Variants in NIBAN1 observed in about 807,000 individuals in gnomAD.
NIBAN1 encodes the protein protein Niban 1.
NIBAN1 carries 81 observed loss-of-function variants against 75.1 expected under a neutral mutation model. That is an observed-to-expected ratio of 1.08 (90% CI 0.90 to 1.30). The LOEUF is 1.30. Ranked by LOEUF, NIBAN1 falls within the 50% of genes most tolerant of loss-of-function variation. The pLI, the probability that NIBAN1 is intolerant of heterozygous loss-of-function variation, is 0.00. For synonymous variants in NIBAN1, 436 were observed against 424.8 expected (o/e 1.03, Z -0.32); for missense variants, 1,133 against 1,128.1 (o/e 1.00, Z -0.06).
rs190676125 is a variant in NIBAN1 at position 184,932,769 on chromosome 1, T to G, written c.56-33460A>C. ...GTTATGAATAATGTATAACATAATA[T>G]TTAACAAAGACAAGATTTAGGCATA... On this transcript the variant is annotated intron_variant, in intron 1 of 13. Transcript: ENST00000367511. 2.3e-4 allele frequency among the ~76,000 whole-genome samples: 35 copies of G among 152,362 alleles called. No homozygotes were observed. The East Asian group carries it at 5.4e-3, about 23-fold the overall frequency.
intron 5 of NIBAN1, among the ~76,000 whole-genome samples, chr1:184,880,443 T>A (rs138225069): frequency 1.2e-4 from 18 of 152,322 alleles, no homozygotes; most frequent in African/African-American, 3.8e-4. Flanking sequence ...AGAGTCCAAG[T>A]TCCTAATATG....
chr1:184,891,783 G>A (rs922451682), intron 3 of NIBAN1, among the ~76,000 whole-genome samples: 4 of 151,994 alleles, frequency 2.6e-5, no homozygotes, highest in African/African-American at 7.3e-5. Flanking sequence ...TGACTTACAG[G>A]TACTTAATGC....
intron 3 of NIBAN1, 141 bp from the exon 4 acceptor site, chr1:184,890,363 C>T (rs1325049941): frequency 1.9e-5 from 12 of 627,694 alleles, no homozygotes; most frequent in Middle Eastern, 2.6e-4. Context: ...TAGTCATTTA[C>T]TCAAAAAATA....
chr1:184,889,435 T>G (rs1656610784), intron 4 of NIBAN1, among the ~76,000 whole-genome samples: 1 of 152,214 alleles, frequency 6.6e-6, no homozygotes, highest in Non-Finnish European at 1.5e-5. Context: ...TGCAAATTAA[T>G]GCAATGCTTT....
rs748710287 is a variant in NIBAN1, at chr1:184,808,211, G to T, written c.1198C>A (p.Pro400Thr). The change falls in exon 10 of 14, where the codon CCG becomes ACG. Residue 400 changes from proline (P) to threonine (T), a missense_variant. Pro to Thr is a conservative substitution (Grantham distance 38). Coordinates refer to ENST00000367511, the MANE Select transcript of NIBAN1 (RefSeq NM_052966.4). ...KEHLDRLMNL[P>T]LHSVKMEPCY... ...GGTTCCATCTTCACGGAATGCAGCG[G>T]AAGATTCATAAGCCGGTCTAGATGC... The T allele has an allele frequency of 4.3e-6, 7 of 1,614,096 alleles. No homozygotes were observed. In the East Asian group the frequency reaches 1.6e-4, roughly 36 times the overall value.
intron 5 of NIBAN1, among the ~76,000 whole-genome samples, chr1:184,863,152 G>C (rs1655861315): frequency 6.6e-6 from 1 of 152,124 alleles, no homozygotes; most frequent in African/African-American, 2.4e-5. Context: ...ATTACTAGTT[G>C]ACCTGTCCAA....
intron 1 of NIBAN1, among the ~76,000 whole-genome samples, chr1:184,960,604 C>CA (rs1204228841): frequency 7.5e-5 from 11 of 146,778 alleles, no homozygotes; most frequent in Non-Finnish European, 1.4e-4. Context: ...AGACAGACAA[C>CA]ACCAACAACA....
chr1:184,865,281 A>T (rs1023949614), intron 5 of NIBAN1, among the ~76,000 whole-genome samples: 2 of 152,192 alleles, frequency 1.3e-5, no homozygotes, highest in African/African-American at 4.8e-5. Flanking sequence ...CACAGCTATT[A>T]AAAAAAGAAC....
At chr1:184,828,082 T>C (rs1654894601) in intron 6 of NIBAN1, among the ~76,000 whole-genome samples, 1 of 152,078 alleles carries the variant, frequency 6.6e-6, no homozygotes, top group South Asian at 2.1e-4. Context: ...ACTTTACAGT[T>C]GCAAAGCCCT....
chr1:184,857,322 T>C (rs1435371303), intron 5 of NIBAN1, among the ~76,000 whole-genome samples: 1 of 152,200 alleles, frequency 6.6e-6, no homozygotes, highest in Non-Finnish European at 1.5e-5. Context: ...TCCTTTGCTG[T>C]GTCCTAATGG....
intron 9 of NIBAN1, among the ~76,000 whole-genome samples, chr1:184,809,623 A>G (rs1654312127): frequency 6.7e-6 from 1 of 149,740 alleles, no homozygotes; most frequent in African/African-American, 2.5e-5. Flanking sequence ...ATATATATAC[A>G]CATATATATG....
chr1:184,947,813 A>G (rs1173027750), intron 1 of NIBAN1, among the ~76,000 whole-genome samples: 5 of 152,214 alleles, frequency 3.3e-5, no homozygotes, highest in Non-Finnish European at 1.5e-5. Context: ...TAACTGTCCA[A>G]ATATGAATTG....
intron 1 of NIBAN1, 28 bp downstream of exon 1, chr1:184,974,274 C>T (rs754386059): frequency 3.2e-6 from 5 of 1,543,852 alleles, no homozygotes; most frequent in South Asian, 2.4e-5. Flanking sequence ...TCAGGGTGCT[C>T]CCCAGGCCCC....
chr1:184,929,076 A>G (rs1300210184), intron 1 of NIBAN1, among the ~76,000 whole-genome samples: 3 of 152,184 alleles, frequency 2.0e-5, no homozygotes, highest in Admixed American at 6.5e-5. Flanking sequence ...ATTTTTCTTA[A>G]TAGTTTCATT....
intron 6 of NIBAN1, among the ~76,000 whole-genome samples, chr1:184,829,357 G>A (rs137878784): frequency 1.3e-5 from 2 of 151,870 alleles, no homozygotes; most frequent in Non-Finnish European, 2.9e-5. Flanking sequence ...GGCAAGGGAC[G>A]AGTCATTTCT....
intron 5 of NIBAN1, chr1:184,867,780 T>C (rs957717092): frequency 4.8e-6 from 4 of 833,194 alleles, no homozygotes. Context: ...ACAAATTGAG[T>C]TTGGTTTATA....
At chr1:184,860,705 G>A (rs1457715080) in intron 5 of NIBAN1, among the ~76,000 whole-genome samples, 1 of 152,190 alleles carries the variant, frequency 6.6e-6, no homozygotes, top group East Asian at 1.9e-4. Context: ...AGTAATGAGA[G>A]TGAGTAACAC....
chr1:184,869,360 T>G (rs1182323438), intron 5 of NIBAN1, among the ~76,000 whole-genome samples: 1 of 152,138 alleles, frequency 6.6e-6, no homozygotes, highest in Non-Finnish European at 1.5e-5. Flanking sequence ...ACACTGGAAA[T>G]GCAAAACTCA....
Position 184,842,644 on chromosome 1 carries a change from T to A in NIBAN1, c.602-10682A>T, listed in dbSNP as rs185651924. ...GGCGGGCGCCTGTAATCCTAGCTAC[T>A]CTAGAAGCTGAGGCAGGAGAATCAC... On this transcript the variant is annotated intron_variant, in intron 5 of 13. Transcript: ENST00000367511. 1.6e-4 allele frequency among the ~76,000 whole-genome samples: 25 copies of A among 151,902 alleles called. No homozygotes were observed. In the East Asian group the frequency reaches 4.1e-3, roughly 25 times the overall value.
Sources: allele counts gnomAD v4.1 joint callset (sites outside exome capture counted in the v4.1 genomes callset), GRCh38; gene constraint gnomAD v4.1.1; transcripts MANE v1.5; gene names NCBI Gene and HGNC (gene_info 2026-07-23, HGNC 2026-07-21).